AGBL4: variants seen among roughly 807,000 people sequenced by gnomAD.
AGBL4 encodes cytosolic carboxypeptidase 6.
AGBL4 carries 58 observed loss-of-function variants against 66.4 expected under a neutral mutation model. The observed-to-expected ratio is 0.87, with a 90% confidence interval of 0.71 to 1.09. The LOEUF (loss-of-function observed/expected upper bound fraction) is 1.09, where lower values mean the gene tolerates loss of function less well. Ranked by LOEUF, AGBL4 falls within the 50% of genes least tolerant of loss-of-function variation. The probability of loss-of-function intolerance (pLI) is 0.00; values close to 1 mark genes in which losing one functional copy is unlikely to be tolerated. For missense variants in AGBL4, 579 were observed against 631.0 expected, an observed-to-expected ratio of 0.92 and a Z score of 0.88; for synonymous variants, 234 against 222.9, an observed-to-expected ratio of 1.05 and a Z score of -0.44.
At chr1:49,945,934 T>G (rs565089480) in intron 1 of AGBL4, among the ~76,000 whole-genome samples, 38 of 151,968 alleles carry the variant, frequency 2.5e-4, no homozygotes, top group African/African-American at 9.2e-4. Context: ...CAAAACAGAC[T>G]TTAGAGCAAA....
intron 3 of AGBL4, among the ~76,000 whole-genome samples, chr1:49,467,833 T>C (rs1412432441): frequency 6.6e-6 from 1 of 151,800 alleles, no homozygotes; most frequent in Non-Finnish European, 1.5e-5. Context: ...AATTAAAAAA[T>C]AGTTGAAATA....
At chr1:49,110,848 C>G (rs965106514) in intron 4 of AGBL4, among the ~76,000 whole-genome samples, 5 of 152,300 alleles carry the variant, frequency 3.3e-5, no homozygotes, top group African/African-American at 1.2e-4. Flanking sequence ...TGATTTTCCT[C>G]CTACCTCTGG....
chr1:49,740,305 G>A (rs531510981), intron 2 of AGBL4, among the ~76,000 whole-genome samples: 1 of 152,070 alleles, frequency 6.6e-6, no homozygotes, highest in South Asian at 2.1e-4. Context: ...GACAAAGAAG[G>A]CCAGTACATA....
chr1:49,709,507 G>A (rs961751482), intron 2 of AGBL4, among the ~76,000 whole-genome samples: 1 of 152,142 alleles, frequency 6.6e-6, no homozygotes, highest in Non-Finnish European at 1.5e-5. Context: ...ACATAGACAT[G>A]GGCAAAGACT....
intron 8 of AGBL4, among the ~76,000 whole-genome samples, chr1:48,643,959 T>C (rs1484211746): frequency 6.6e-6 from 1 of 152,108 alleles, no homozygotes; most frequent in Non-Finnish European, 1.5e-5. Flanking sequence ...AGGAGGCAAG[T>C]TTGGCCACAG....
chr1:49,454,303 A>C (rs1407936348), intron 3 of AGBL4, among the ~76,000 whole-genome samples: 1 of 151,788 alleles, frequency 6.6e-6, no homozygotes, highest in African/African-American at 2.4e-5. Flanking sequence ...CCCCAAGTTT[A>C]CTGAATGAAG....
Position 49,999,142 on chromosome 1 carries a change from G to A in AGBL4, c.34+24621C>T, listed in dbSNP as rs375721898. Among the ~76,000 whole-genome samples the A allele has an allele frequency of 9.9e-5, 15 of 152,022 alleles. 1 individual carries two copies. Among genetic ancestry groups the A allele is most frequent in the African/African-American group, 3.6e-4 (15 of 41,510 alleles). ...AAATCAGTAAAGAGGAAGTCAAACT[G>A]TCTGGGTATATGATACGATCATATA... On this transcript the variant is annotated intron_variant, in intron 1 of 13. Coordinates refer to ENST00000371839, the MANE Select transcript of AGBL4 (RefSeq NM_032785.4).
chr1:49,565,014 A>T (rs1644156803), intron 3 of AGBL4, among the ~76,000 whole-genome samples: 1 of 152,200 alleles, frequency 6.6e-6, no homozygotes, highest in Admixed American at 6.5e-5. Context: ...ATATATATTT[A>T]GGATAGCTAG....
At chr1:49,141,012 T>C (rs1014007652) in intron 4 of AGBL4, among the ~76,000 whole-genome samples, 13 of 152,190 alleles carry the variant, frequency 8.5e-5, no homozygotes, top group Non-Finnish European at 1.6e-4. Context: ...TACTGAGATA[T>C]AAAATCAAGA....
At chr1:49,983,738 C>T (rs752711930) in intron 1 of AGBL4, among the ~76,000 whole-genome samples, 1 of 152,148 alleles carries the variant, frequency 6.6e-6, no homozygotes, top group Non-Finnish European at 1.5e-5. Context: ...TTCATACTTG[C>T]AGAAGTTCAT....
intron 8 of AGBL4, among the ~76,000 whole-genome samples, chr1:48,652,784 G>T (rs984374226): frequency 1.3e-5 from 2 of 152,168 alleles, no homozygotes; most frequent in Non-Finnish European, 2.9e-5. Context: ...GAGAAAAGGA[G>T]TTCAAGATTT....
intron 1 of AGBL4, among the ~76,000 whole-genome samples, chr1:49,948,217 T>C (rs1387136509): frequency 9.7e-5 from 10 of 103,476 alleles, no homozygotes; most frequent in Non-Finnish European, 6.8e-5. Flanking sequence ...TATATAAATA[T>C]ATATAAATAT....
At chr1:49,403,982 C>T (rs957333787) in intron 3 of AGBL4, among the ~76,000 whole-genome samples, 2 of 152,168 alleles carry the variant, frequency 1.3e-5, no homozygotes, top group Non-Finnish European at 2.9e-5. Context: ...TCCCATTTAT[C>T]TGAGTAACTT....
At chr1:50,006,546 A>G (rs190106200) in intron 1 of AGBL4, among the ~76,000 whole-genome samples, 29 of 152,258 alleles carry the variant, frequency 1.9e-4, no homozygotes, top group African/African-American at 6.5e-4. Flanking sequence ...AAAGGTTCCT[A>G]AAAGCAGCAA....
intron 8 of AGBL4, among the ~76,000 whole-genome samples, chr1:48,638,952 C>T (rs1488687840): frequency 6.6e-6 from 1 of 152,146 alleles, no homozygotes; most frequent in Admixed American, 6.5e-5. Flanking sequence ...TCTTTCGAGG[C>T]TACATAACAA....
intron 2 of AGBL4, among the ~76,000 whole-genome samples, chr1:49,776,503 G>A (rs1386703769): frequency 2.0e-5 from 3 of 151,952 alleles, no homozygotes; most frequent in East Asian, 3.9e-4. Flanking sequence ...TACCACTCTG[G>A]CTTCATCTTA....
intron 5 of AGBL4, among the ~76,000 whole-genome samples, chr1:49,014,929 A>T (rs981150098): frequency 2.0e-5 from 3 of 152,170 alleles, no homozygotes; most frequent in Non-Finnish European, 4.4e-5. Context: ...TTACCAATGG[A>T]CCCAGGGGTA....
At chr1:49,525,139 C>T (rs1363665192) in intron 3 of AGBL4, among the ~76,000 whole-genome samples, 1 of 151,926 alleles carries the variant, frequency 6.6e-6, no homozygotes, top group Admixed American at 6.5e-5. Context: ...AGGGATAATT[C>T]TGGGTACTGG....
At chr1:49,538,795 G>A (rs1651796947) in intron 3 of AGBL4, among the ~76,000 whole-genome samples, 1 of 152,130 alleles carries the variant, frequency 6.6e-6, no homozygotes. Flanking sequence ...CATCATTAAT[G>A]TTCTCAAGGA....
Sources: gnomAD v4.1 joint callset for allele counts (sites outside exome capture counted in the v4.1 genomes callset) on GRCh38, gnomAD v4.1.1 for gene constraint, MANE v1.5 for transcripts, NCBI Gene and HGNC (gene_info 2026-07-23, HGNC 2026-07-21) for gene names.